The following CAMK1D variants were observed in gnomAD, a reference collection of about 807,000 sequenced individuals.
CAMK1D encodes calcium/calmodulin dependent protein kinase ID, also known as calcium/calmodulin-dependent protein kinase type 1D.
In CAMK1D, 9 loss-of-function variants were observed where a neutral mutation model predicts 47.7. That is an observed-to-expected ratio of 0.19 (90% CI 0.11 to 0.33). The LOEUF is 0.33. Ranked by LOEUF, CAMK1D falls within the 10% of genes least tolerant of loss-of-function variation. CAMK1D has a pLI of 1.00. For synonymous variants in CAMK1D, 184 were observed against 184.9 expected (o/e 0.99, Z 0.04); for missense variants, 291 against 488.7 (o/e 0.60, Z 3.81).
At chr10:12,616,289 G>A (rs1177762709) in intron 2 of CAMK1D, among the ~76,000 whole-genome samples, 1 of 152,136 alleles carries the variant, frequency 6.6e-6, no homozygotes, top group Non-Finnish European at 1.5e-5. Context: ...CTTATATAAT[G>A]TTTCAAAATT....
At chr10:12,556,065 CCT>C (rs1836751023) in intron 2 of CAMK1D, among the ~76,000 whole-genome samples, 1 of 152,092 alleles carries the variant, frequency 6.6e-6, no homozygotes, top group Non-Finnish European at 1.5e-5. Context: ...AAGCGTGACC[CCT>C]CTTTCAGGAG....
chr10:12,458,880 C>CTTTTTTTTTTTTTTTTTTTTTT (rs35804649), intron 1 of CAMK1D, among the ~76,000 whole-genome samples: 1 of 120,680 alleles, frequency 8.3e-6, no homozygotes, highest in Non-Finnish European at 1.7e-5. Flanking sequence ...CCTTTCTTTC[C>CTTTTTTTTTTTTTTTTTTTTTT]TTTTTTTTTT....
At chr10:12,376,690 T>C (rs140718198) in intron 1 of CAMK1D, among the ~76,000 whole-genome samples, 3,927 of 152,218 alleles carry the variant, frequency 0.026, 81 homozygotes, top group Non-Finnish European at 0.04. Context: ...CCCCACCTGC[T>C]CACACTCCTG....
intron 3 of CAMK1D, chr10:12,667,025 G>GCTGGA (rs144120566): frequency 0.019 from 9,833 of 516,930 alleles, 307 homozygotes; most frequent in South Asian, 0.095. Context: ...GCACTGCTGG[G>GCTGGA]CTGGACTGAT....
intron 1 of CAMK1D, among the ~76,000 whole-genome samples, chr10:12,433,806 G>T (rs973546506): frequency 2.0e-4 from 31 of 152,226 alleles, no homozygotes; most frequent in Admixed American, 3.3e-4. Context: ...TCTAGGGGCT[G>T]CAGTTTGCCA....
intron 2 of CAMK1D, among the ~76,000 whole-genome samples, chr10:12,624,445 G>A (rs1304975767): frequency 6.6e-6 from 1 of 152,068 alleles, no homozygotes; most frequent in African/African-American, 2.4e-5. Context: ...CTCCACTCTC[G>A]GATTCTGTGA....
At chr10:12,605,337 A>AGTGTGTGT (rs112178502) in intron 2 of CAMK1D, among the ~76,000 whole-genome samples, 6,247 of 145,098 alleles carry the variant, frequency 0.043, 166 homozygotes, top group Middle Eastern at 0.087. Flanking sequence ...AAACCATTCA[A>AGTGTGTGT]GTGTGTGTGT....
chr10:12,685,073 G>A (rs1832598998), intron 3 of CAMK1D, among the ~76,000 whole-genome samples: 1 of 152,220 alleles, frequency 6.6e-6, no homozygotes, highest in Non-Finnish European at 1.5e-5. Flanking sequence ...GGCCGAGGTG[G>A]GTGAATCATT....
intron 2 of CAMK1D, among the ~76,000 whole-genome samples, chr10:12,614,687 A>G (rs1838728906): frequency 6.6e-6 from 1 of 152,130 alleles, no homozygotes; most frequent in Admixed American, 6.5e-5. Flanking sequence ...GGCCTTGATA[A>G]GCCCTTGGAA....
rs117541906 is a variant in CAMK1D at position 12,591,144 on chromosome 10, C to A, written c.224+37788C>A. Among the ~76,000 whole-genome samples the A allele has an allele frequency of 2.8e-3, 424 of 152,262 alleles. 4 individuals carry two copies. The East Asian group carries it at 0.045, about 16-fold the overall frequency. ...AACAGTCTGTTCTCCCCGTGTTAGA[C>A]ACAGAGGGGTCAGGGACAGAGATTG... On this transcript the variant is annotated intron_variant, in intron 2 of 10. Coordinates refer to ENST00000619168, the MANE Select transcript of CAMK1D (RefSeq NM_153498.4).
At chr10:12,568,097 C>CCGCCCTCCCACCTTGCCTGCT (rs1837181785) in intron 2 of CAMK1D, among the ~76,000 whole-genome samples, 1 of 150,304 alleles carries the variant, frequency 6.7e-6, no homozygotes, top group Non-Finnish European at 1.5e-5. Flanking sequence ...CCTTGCCTGC[C>CCGCCCTCCCACCTTGCCTGCT]TGTCTGCTTT....
chr10:12,793,227 G>T (rs1838060294), intron 6 of CAMK1D, among the ~76,000 whole-genome samples: 1 of 152,070 alleles, frequency 6.6e-6, no homozygotes, highest in Admixed American at 6.5e-5. Context: ...CCTTCCCTGG[G>T]GCTGGGGAAA....
chr10:12,382,168 T>C (rs1215962342), intron 1 of CAMK1D, among the ~76,000 whole-genome samples: 1 of 152,212 alleles, frequency 6.6e-6, no homozygotes, highest in Non-Finnish European at 1.5e-5. Context: ...AAGTGGGGAC[T>C]TGCTGTACCA....
intron 3 of CAMK1D, among the ~76,000 whole-genome samples, chr10:12,689,762 C>G (rs1387375806): frequency 7.0e-6 from 1 of 142,782 alleles, no homozygotes; most frequent in South Asian, 2.5e-4. Flanking sequence ...GGCGACAGGG[C>G]GAGACTCCAC....
intron 2 of CAMK1D, among the ~76,000 whole-genome samples, chr10:12,564,557 A>G (rs1435093332): frequency 6.6e-6 from 1 of 152,228 alleles, no homozygotes; most frequent in Admixed American, 6.5e-5. Context: ...CTCAAAGCTT[A>G]AAGTTGAGGT....
At chr10:12,634,762 C>A (rs923733464) in intron 2 of CAMK1D, among the ~76,000 whole-genome samples, 3 of 152,084 alleles carry the variant, frequency 2.0e-5, no homozygotes, top group African/African-American at 7.2e-5. Flanking sequence ...CCTGCCGGCC[C>A]ATCAGCTTTC....
chr10:12,412,986 G>A (rs1456453268), intron 1 of CAMK1D, among the ~76,000 whole-genome samples: 1 of 152,192 alleles, frequency 6.6e-6, no homozygotes, highest in Non-Finnish European at 1.5e-5. Flanking sequence ...TATTCATATA[G>A]GGAGGTTCTG....
In CAMK1D at chr10:12,635,162, A is replaced by G. The variant is rs999436568; in HGVS notation, c.225-31574A>G. 2.6e-5 allele frequency among the ~76,000 whole-genome samples: 4 copies of G among 151,152 alleles called. No individual in the cohort carries two copies. In the South Asian group the frequency reaches 8.4e-4, roughly 32 times the overall value. ...GATGTGGGGTGTGGTGGAGGAGGAG[A>G]GTTTGGGGGCTCGGGAGGCCTTCCT... On this transcript the variant is annotated intron_variant, in intron 2 of 10. Coordinates refer to ENST00000619168, the MANE Select transcript of CAMK1D (RefSeq NM_153498.4).
At chr10:12,804,937 C>CAAAAAAAAAAAAAAAAAAAAAAAAAAAA in intron 6 of CAMK1D, among the ~76,000 whole-genome samples, 1 of 51,056 alleles carries the variant, frequency 2.0e-5, no homozygotes, top group Non-Finnish European at 3.2e-5. Flanking sequence ...GACCCTGTCT[C>CAAAAAAAAAAAAAAAAAAAAAAAAAAAA]AAAAAAAAAA....
Sources: gnomAD v4.1 joint callset for allele counts (sites outside exome capture counted in the v4.1 genomes callset) on GRCh38, gnomAD v4.1.1 for gene constraint, MANE v1.5 for transcripts, NCBI Gene and HGNC (gene_info 2026-07-23, HGNC 2026-07-21) for gene names.